The following ACVR2B variants were observed in gnomAD, a reference collection of about 807,000 sequenced individuals.
The protein encoded by ACVR2B is activin receptor type-2B.
ACVR2B carries 18 observed loss-of-function variants against 65.1 expected under a neutral mutation model. The ratio of observed to expected loss-of-function variants is 0.28; its 90% CI spans 0.19 to 0.41. The LOEUF (loss-of-function observed/expected upper bound fraction) is 0.41. ACVR2B is among the 10% of genes least tolerant of loss of function. ACVR2B has a pLI of 1.00. For synonymous variants in ACVR2B, 298 were observed against 277.7 expected, an observed-to-expected ratio of 1.07 and a Z score of -0.73; for missense variants, 482 against 682.7, an observed-to-expected ratio of 0.71 and a Z score of 3.28.
chr3:38,483,560 C>T lies in ACVR2B; in HGVS notation c.*228C>T, dbSNP rs1396085853. ...GCATATTGCTCTACTGTATCACAAA[C>T]AGCGGACACGTCAGCAGGCGTTGAG... On this transcript the variant is annotated 3_prime_UTR_variant, in exon 11 of 11. Transcript: ENST00000352511. This position sits in a 1 kb window ranked among gnomAD's most constrained non-coding sequence, Gnocchi z 4.8. The T allele has an allele frequency of 1.6e-5, 3 of 183,790 alleles. No homozygotes were observed. The highest frequency in any genetic ancestry group is 3.2e-5 in the Non-Finnish European group (3 of 93,638). 11.4% of individuals were successfully genotyped at this position (183,790 alleles called of 1,614,324 possible).
rs1056754756 is a variant in ACVR2B at position 38,481,188 on chromosome 3, G to T, written c.960-163G>T. Reference sequence around the variant, plus strand: ...GAGGGATTCTCACACCCATGTCGGCGCCTGCAGCTGCCTGCTTGTGCTGCT... The same window carrying T: ...GAGGGATTCTCACACCCATGTCGGCTCCTGCAGCTGCCTGCTTGTGCTGCT... On this transcript the variant is annotated intron_variant, in intron 7 of 10. Coordinates refer to ENST00000352511, the MANE Select transcript of ACVR2B (RefSeq NM_001106.4). The surrounding 1 kb of genome is among the most constrained non-coding windows in gnomAD (Gnocchi z 4.7). Among the ~76,000 whole-genome samples, 5 of 152,098 alleles carry T rather than the reference G, an allele frequency of 3.3e-5. No homozygotes were observed. The highest frequency in any genetic ancestry group is 1.2e-4 in the African/African-American group (5 of 41,434).
chr3:38,478,648 C>A, intron 5 of ACVR2B, 130 bp downstream of exon 5: 1 of 1,281,062 alleles, frequency 7.8e-7, no homozygotes, highest in Non-Finnish European at 1.1e-6. Flanking sequence ...CCTTACTGGG[C>A]CTAGTTACTC....
At position 38,483,489 on chromosome 3, in the gene ACVR2B, A is replaced by G. The variant is rs1275276307; in HGVS notation, c.*157A>G. 1 of 294,076 alleles carries G rather than the reference A, an allele frequency of 3.4e-6. No homozygotes were observed. The highest frequency in any genetic ancestry group is 5.7e-6 in the Non-Finnish European group (1 of 175,558). 18.2% of individuals were successfully genotyped at this position (294,076 alleles called of 1,614,324 possible). A position where few individuals can be genotyped will look rare whatever the true frequency, so the allele number is the denominator to read the frequency against. Reference sequence around the variant, plus strand: ...TATTATTATTATTATAATTATTATAATTATTATTATTAATATTATTTTTTG... The same window carrying G: ...TATTATTATTATTATAATTATTATAGTTATTATTATTAATATTATTTTTTG... On this transcript the variant is annotated 3_prime_UTR_variant, in exon 11 of 11. Coordinates refer to ENST00000352511, the MANE Select transcript of ACVR2B (RefSeq NM_001106.4). The surrounding 1 kb of genome is among the most constrained non-coding windows in gnomAD (Gnocchi z 4.8).
intron 1 of ACVR2B, among the ~76,000 whole-genome samples, chr3:38,471,017 G>C (rs1450802583): frequency 6.6e-6 from 1 of 152,146 alleles, no homozygotes; most frequent in Admixed American, 6.5e-5. Flanking sequence ...GATTGAATTG[G>C]GGGGAGGGAA....
At chr3:38,482,996 C>G in intron 10 of ACVR2B, 142 bp from the exon 11 acceptor site, 1 of 942,158 alleles carries the variant, frequency 1.1e-6, no homozygotes, top group Non-Finnish European at 1.7e-6. Flanking sequence ...CCCCAGGCCT[C>G]TGCTGGTGGA....
At position 38,477,444 on chromosome 3, in the gene ACVR2B, C is replaced by T. The variant is rs145456109; in HGVS notation, c.210C>T (p.Ile70=). 138 of 1,614,162 alleles carry T rather than the reference C, an allele frequency of 8.5e-5. No homozygotes were observed. Among genetic ancestry groups the T allele is most frequent in the African/African-American group, 2.0e-4 (15 of 75,040 alleles). ...CCTGGCGCAACAGCTCTGGCACCAT[C>T]GAGCTCGTGAAGAAGGGCTGCTGGC... ...YASWRNSSGT[I]ELVKKGCWLD... Residue 70 remains isoleucine, a synonymous_variant, in exon 2 of 11, where the codon ATC becomes ATT. Coordinates refer to ENST00000352511, the MANE Select transcript of ACVR2B (RefSeq NM_001106.4). This position sits in a 1 kb window ranked among gnomAD's most constrained non-coding sequence, Gnocchi z 6.7.
chr3:38,472,204 G>A (rs892318754), intron 1 of ACVR2B, among the ~76,000 whole-genome samples: 1 of 152,150 alleles, frequency 6.6e-6, no homozygotes. Flanking sequence ...TGCTGGGGAG[G>A]TGGTGGAGAT....
Position 38,477,252 on chromosome 3 carries a change from G to A in ACVR2B, c.53-35G>A, listed in dbSNP as rs1434223019. 6.2e-7 allele frequency: 1 copy of A among 1,611,140 alleles called. No homozygotes were observed. The highest frequency in any genetic ancestry group is 8.5e-7 in the Non-Finnish European group (1 of 1,178,124). The stretch of plus-strand genomic sequence containing the variant: ...AGGGGTTTGGGTGGTGGTCCCAGGG[G>A]CATGCTCAGTGGTTCTCTTTTCTCT... On this transcript the variant is annotated intron_variant, in intron 1 of 10. Coordinates refer to ENST00000352511, the MANE Select transcript of ACVR2B (RefSeq NM_001106.4). The surrounding 1 kb of genome is among the most constrained non-coding windows in gnomAD (Gnocchi z 6.7).
chr3:38,472,498 A>C (rs1709834870), intron 1 of ACVR2B, among the ~76,000 whole-genome samples: 1 of 152,134 alleles, frequency 6.6e-6, no homozygotes, highest in Admixed American at 6.5e-5. Flanking sequence ...GTGTGCTGGC[A>C]GAAGCAGACC....
Position 38,491,477 on chromosome 3 carries a change from A to G in ACVR2B, c.*8145A>G, listed in dbSNP as rs990040767. 6.6e-6 allele frequency: 1 copy of G among 152,666 alleles called. No homozygotes were observed. Among genetic ancestry groups the G allele is most frequent in the Admixed American group, 6.5e-5 (1 of 15,286 alleles). The allele number at this position is 152,666 out of a possible 1,614,324, so 9.5% of individuals were successfully genotyped here. ...TGACTTCAGTCCCTGCAAGTGCTTTAGCCCGAGTGGGGTTTTCTCAGAGCA... is the reference window on the plus strand; with the variant it reads ...TGACTTCAGTCCCTGCAAGTGCTTTGGCCCGAGTGGGGTTTTCTCAGAGCA... On this transcript the variant is annotated 3_prime_UTR_variant, in exon 11 of 11. Transcript: ENST00000352511.
At chr3:38,461,248 A>C (rs1045906688) in intron 1 of ACVR2B, among the ~76,000 whole-genome samples, 1 of 152,112 alleles carries the variant, frequency 6.6e-6, no homozygotes, top group Non-Finnish European at 1.5e-5. Context: ...GAAAGCATGC[A>C]TGAGTTTTCC....
At chr3:38,454,921 C>G (rs1446281208) in intron 1 of ACVR2B, 1 of 152,232 alleles carries the variant, frequency 6.6e-6, no homozygotes, top group Admixed American at 6.5e-5. Flanking sequence ...TGCTGGCTCC[C>G]ACCTGCTCCC....
intron 1 of ACVR2B, among the ~76,000 whole-genome samples, chr3:38,467,754 A>T (rs932655056): frequency 3.1e-5 from 1 of 32,602 alleles, no homozygotes; most frequent in East Asian, 1.4e-3. Context: ...CCTGTGTCCA[A>T]AAAAAAAAAA....
intron 1 of ACVR2B, among the ~76,000 whole-genome samples, chr3:38,458,859 A>G (rs961526168): frequency 3.3e-5 from 5 of 152,086 alleles, no homozygotes; most frequent in African/African-American, 1.2e-4. Context: ...CAACCTTGAC[A>G]CTATTACATT....
intron 8 of ACVR2B, 35 bp from the exon 9 acceptor site, chr3:38,482,163 C>A: frequency 1.2e-6 from 2 of 1,613,628 alleles, no homozygotes; most frequent in South Asian, 1.1e-5. Flanking sequence ...TATGGCCAGT[C>A]ACTGTAAATC....
Position 38,484,353 on chromosome 3 carries a change from C to A in ACVR2B, c.*1021C>A, listed in dbSNP as rs1324776473. ...GAAATACTTTTGTTTCCTCTTGGAG[C>A]AGTTCAGGGAAATGCCCACAGGGGA... On this transcript the variant is annotated 3_prime_UTR_variant, in exon 11 of 11. Transcript: ENST00000352511. The A allele has an allele frequency of 6.6e-6, 1 of 152,186 alleles. No individual in the cohort carries two copies. The highest frequency in any genetic ancestry group is 1.9e-4 in the East Asian group (1 of 5,194). The allele number at this position is 152,186 out of a possible 1,614,324, so 9.4% of individuals were successfully genotyped here. A position where few individuals can be genotyped will look rare whatever the true frequency, so the allele number is the denominator to read the frequency against.
chr3:38,470,219 CAA>C (rs1279703124), intron 1 of ACVR2B, among the ~76,000 whole-genome samples: 1 of 151,996 alleles, frequency 6.6e-6, no homozygotes, highest in East Asian at 1.9e-4. Context: ...ACAAAAAACA[CAA>C]ATCATTAGAC....
rs770133919 is a variant in ACVR2B, at chr3:38,478,280, G to C, written c.510G>C (p.Val170=). The C allele has an allele frequency of 4.3e-6, 7 of 1,614,134 alleles. No homozygotes were observed. The highest frequency in any genetic ancestry group is 1.6e-4 in the Middle Eastern group (1 of 6,062). ...YRHRKPPYGH[V]DIHEDPGPPP... is the part of the protein sequence containing the mutation. ...ATCGCAAGCCCCCCTACGGTCATGT[G>C]GACATCCATGAGGTGAGACAGTGCT... Residue 170 remains valine (V), a synonymous_variant, in exon 4 of 11, where the codon GTG becomes GTC. Coordinates refer to ENST00000352511, the MANE Select transcript of ACVR2B (RefSeq NM_001106.4).
At chr3:38,478,790 C>T (rs778005395) in intron 5 of ACVR2B, among the ~76,000 whole-genome samples, 9 of 152,248 alleles carry the variant, frequency 5.9e-5, no homozygotes, top group South Asian at 4.1e-4. Flanking sequence ...TTCTTTCCAG[C>T]GGCCCTGGAC....
Sources: allele counts gnomAD v4.1 joint callset (sites outside exome capture counted in the v4.1 genomes callset), GRCh38; gene constraint gnomAD v4.1.1; non-coding constraint Gnocchi (gnomAD v3.1); transcripts MANE v1.5; gene names NCBI Gene and HGNC (gene_info 2026-07-23, HGNC 2026-07-21).